The following ZNF521 variants were observed in gnomAD, a reference collection of about 807,000 sequenced individuals.
ZNF521 encodes zinc finger protein 521.
ZNF521 carries 14 observed loss-of-function variants against 105.5 expected under a neutral mutation model. The observed-to-expected ratio is 0.13, with a 90% CI of 0.09 to 0.21. The LOEUF is 0.21. ZNF521 is among the 10% of genes least tolerant of loss of function. ZNF521 has a pLI of 1.00. For synonymous variants in ZNF521, 635 were observed against 606.0 expected (o/e 1.05, Z -0.70); for missense variants, 1,233 against 1,629.7 (o/e 0.76, Z 4.19).
chr18:25,173,414 C>T (rs2035481909), intron 5 of ZNF521, among the ~76,000 whole-genome samples: 1 of 152,184 alleles, frequency 6.6e-6, no homozygotes, highest in Non-Finnish European at 1.5e-5. Context: ...CCCCTCCAAT[C>T]CCTGCTAAAT....
At chr18:25,114,685 A>G (rs1206486027) in intron 5 of ZNF521, among the ~76,000 whole-genome samples, 1 of 152,228 alleles carries the variant, frequency 6.6e-6, no homozygotes, top group African/African-American at 2.4e-5. Flanking sequence ...CACCTACCAC[A>G]CAAATACTCA....
chr18:25,156,081 T>G (rs1409183538), intron 5 of ZNF521, among the ~76,000 whole-genome samples: 1 of 152,210 alleles, frequency 6.6e-6, no homozygotes, highest in Non-Finnish European at 1.5e-5. Context: ...GAATTTTTGC[T>G]AAAATGAGGA....
At chr18:25,149,077 A>G (rs1369413428) in intron 5 of ZNF521, among the ~76,000 whole-genome samples, 3 of 152,190 alleles carry the variant, frequency 2.0e-5, no homozygotes, top group African/African-American at 2.4e-5. Flanking sequence ...ATAGGTGAAG[A>G]TAAGTGAAGG....
At chr18:25,325,031 A>G (rs187337001) in intron 2 of ZNF521, among the ~76,000 whole-genome samples, 6 of 152,338 alleles carry the variant, frequency 3.9e-5, no homozygotes, top group Admixed American at 3.9e-4. Flanking sequence ...TTTAGGATGC[A>G]TGCTCCAGCC....
chr18:25,229,107 A>G (rs1365471295), intron 3 of ZNF521, among the ~76,000 whole-genome samples: 1 of 152,236 alleles, frequency 6.6e-6, no homozygotes, highest in Non-Finnish European at 1.5e-5. Context: ...GAAGTTCACT[A>G]GCAAGCTAAA....
chr18:25,294,018 A>G (rs1272526455), intron 3 of ZNF521, among the ~76,000 whole-genome samples: 2 of 152,206 alleles, frequency 1.3e-5, no homozygotes, highest in Non-Finnish European at 2.9e-5. Flanking sequence ...TACAATCTTA[A>G]AAGGTTCATT....
At chr18:25,196,240 G>C (rs1166311688) in intron 4 of ZNF521, among the ~76,000 whole-genome samples, 1 of 151,606 alleles carries the variant, frequency 6.6e-6, no homozygotes, top group Non-Finnish European at 1.5e-5. Flanking sequence ...TCCCAAACAT[G>C]AGAAAATTAC....
At chr18:25,249,581 C>T (rs1182776642) in intron 3 of ZNF521, among the ~76,000 whole-genome samples, 1 of 152,100 alleles carries the variant, frequency 6.6e-6, no homozygotes, top group Non-Finnish European at 1.5e-5. Context: ...CCTGCTTCAG[C>T]CTCCCAAGTA....
intron 5 of ZNF521, among the ~76,000 whole-genome samples, chr18:25,114,720 G>A (rs764904970): frequency 1.2e-4 from 19 of 152,142 alleles, no homozygotes; most frequent in Non-Finnish European, 2.5e-4. Context: ...AATTACATCC[G>A]CATAGGAGAA....
intron 5 of ZNF521, among the ~76,000 whole-genome samples, chr18:25,143,426 T>C (rs1018165061): frequency 6.6e-5 from 10 of 152,178 alleles, no homozygotes; most frequent in African/African-American, 2.4e-4. Flanking sequence ...TGTAAGTAAA[T>C]GAGATAGATT....
chr18:25,069,299 G>C (rs1451399751), intron 7 of ZNF521, among the ~76,000 whole-genome samples: 1 of 152,012 alleles, frequency 6.6e-6, no homozygotes, highest in African/African-American at 2.4e-5. Flanking sequence ...TCCCCTGAAC[G>C]TTAAGAGAAA....
At chr18:25,104,125 T>C (rs9965569) in intron 5 of ZNF521, among the ~76,000 whole-genome samples, 70,190 of 151,986 alleles carry the variant, frequency 0.46, 16,636 homozygotes, top group South Asian at 0.67. Context: ...GTCTATAATG[T>C]CAAATTATAA....
At chr18:25,267,647 C>T (rs999122662) in intron 3 of ZNF521, among the ~76,000 whole-genome samples, 3 of 152,106 alleles carry the variant, frequency 2.0e-5, no homozygotes, top group South Asian at 2.1e-4. Context: ...GGGTCTGGAG[C>T]GGACCTATAG....
At chr18:25,177,895 C>T (rs529028830) in intron 5 of ZNF521, among the ~76,000 whole-genome samples, 19 of 152,164 alleles carry the variant, frequency 1.2e-4, no homozygotes, top group African/African-American at 3.9e-4. Context: ...GAAACCTGCA[C>T]AATTTTGTTC....
intron 5 of ZNF521, among the ~76,000 whole-genome samples, chr18:25,120,208 A>C (rs2034406313): frequency 6.6e-6 from 1 of 152,146 alleles, no homozygotes; most frequent in Non-Finnish European, 1.5e-5. Context: ...AAAAAATAAC[A>C]CCTATCTTAA....
At chr18:25,213,471 C>A (rs2036229098) in intron 4 of ZNF521, among the ~76,000 whole-genome samples, 3 of 151,580 alleles carry the variant, frequency 2.0e-5, no homozygotes, top group African/African-American at 7.3e-5. Context: ...GAAATTGAAC[C>A]CACCTTGCAT....
At chr18:25,068,199 A>G (rs1240213134) in intron 7 of ZNF521, among the ~76,000 whole-genome samples, 3 of 152,234 alleles carry the variant, frequency 2.0e-5, no homozygotes, top group African/African-American at 7.2e-5. Flanking sequence ...GGGAAGAAAT[A>G]AAGAAATATA....
At chr18:25,136,906 T>C (rs201634864) in intron 5 of ZNF521, among the ~76,000 whole-genome samples, 1 of 152,140 alleles carries the variant, frequency 6.6e-6, no homozygotes, top group African/African-American at 2.4e-5. Flanking sequence ...GTGTGCCGAA[T>C]GTGGTTGTTG....
At chr18:25,271,689 T>C (rs558882125) in intron 3 of ZNF521, among the ~76,000 whole-genome samples, 2 of 152,268 alleles carry the variant, frequency 1.3e-5, no homozygotes, top group East Asian at 3.9e-4. Flanking sequence ...ATTTAATAAA[T>C]GGTGTTGGGA....
Sources: allele counts gnomAD v4.1 joint callset (sites outside exome capture counted in the v4.1 genomes callset), GRCh38; gene constraint gnomAD v4.1.1; transcripts MANE v1.5; gene names NCBI Gene and HGNC (gene_info 2026-07-23, HGNC 2026-07-21).